The following RBMS3 variants were observed in gnomAD, a reference collection of about 807,000 sequenced individuals.
RBMS3 encodes RNA binding motif single stranded interacting protein 3.
A neutral mutation model predicts 66.8 loss-of-function variants in RBMS3; 27 were observed. The ratio of observed to expected loss-of-function variants is 0.40; its 90% CI spans 0.30 to 0.56. RBMS3 has a LOEUF of 0.56. RBMS3 is among the 20% of genes least tolerant of loss of function. RBMS3 has a pLI of 0.40. For missense variants in RBMS3, 513 were observed against 549.5 expected (o/e 0.93, Z 0.66); for synonymous variants, 188 against 183.0 (o/e 1.03, Z -0.22).
chr3:29,301,381 A>G (rs976853275), intron 1 of RBMS3, among the ~76,000 whole-genome samples: 1 of 152,010 alleles, frequency 6.6e-6, no homozygotes, highest in Non-Finnish European at 1.5e-5. Context: ...TAAGGAAATA[A>G]TTCGTAACTA....
Position 29,928,191 on chromosome 3 carries a change from T to TAC in RBMS3, c.940-7894_940-7893insCA, listed in dbSNP as rs1296367265. On this transcript the variant is annotated intron_variant, in intron 10 of 14. Coordinates refer to ENST00000383767, the MANE Select transcript of RBMS3 (RefSeq NM_001003793.3). ...CTCCTCTTCAAATTTTATATATATA[T>TAC]ATATATATATATATATATATACACA... 7.0e-3 allele frequency among the ~76,000 whole-genome samples: 652 copies of TAC among 93,184 alleles called. 4 individuals are homozygous for TAC. Among genetic ancestry groups the TAC allele is most frequent in the Non-Finnish European group, 8.7e-3 (369 of 42,492 alleles). 61.1% of individuals were successfully genotyped at this position (93,184 alleles called of 152,430 possible).
chr3:29,638,838 G>T (rs2149191312), intron 4 of RBMS3, among the ~76,000 whole-genome samples: 2 of 151,772 alleles, frequency 1.3e-5, no homozygotes, highest in Middle Eastern at 3.4e-3. Flanking sequence ...TACTGTATTA[G>T]GTATATTTTT....
At chr3:29,424,324 C>T (rs969392932) in intron 1 of RBMS3, among the ~76,000 whole-genome samples, 3 of 152,140 alleles carry the variant, frequency 2.0e-5, no homozygotes, top group African/African-American at 7.2e-5. Flanking sequence ...ACTAACATCC[C>T]CCTCTTTTGC....
At chr3:29,416,267 C>A (rs1042201385) in intron 1 of RBMS3, among the ~76,000 whole-genome samples, 2 of 152,030 alleles carry the variant, frequency 1.3e-5, no homozygotes, top group Non-Finnish European at 2.9e-5. Flanking sequence ...GCAGGTTTGC[C>A]TAGAAGCTGA....
At chr3:29,962,445 C>T (rs35874248) in intron 12 of RBMS3, among the ~76,000 whole-genome samples, 14,055 of 151,652 alleles carry the variant, frequency 0.093, 1,115 homozygotes, top group East Asian at 0.21. Flanking sequence ...ATAAACATAA[C>T]GGCACTGAGG....
At chr3:29,983,671 T>C (rs1178553447) in intron 12 of RBMS3, among the ~76,000 whole-genome samples, 1 of 152,218 alleles carries the variant, frequency 6.6e-6, no homozygotes, top group Admixed American at 6.5e-5. Context: ...CCTTTGCTTA[T>C]GAAGCTTAGT....
chr3:29,514,581 A>T (rs1357095909), intron 3 of RBMS3, among the ~76,000 whole-genome samples: 1 of 149,928 alleles, frequency 6.7e-6, no homozygotes, highest in Admixed American at 6.7e-5. Context: ...GATAAGAAAA[A>T]GGAAGCGATT....
At chr3:29,504,043 C>G (rs1303429754) in intron 3 of RBMS3, among the ~76,000 whole-genome samples, 1 of 152,092 alleles carries the variant, frequency 6.6e-6, no homozygotes, top group African/African-American at 2.4e-5. Flanking sequence ...GAATTCCCAG[C>G]CCACATTAGC....
intron 13 of RBMS3, among the ~76,000 whole-genome samples, chr3:29,988,736 C>G (rs1204253203): frequency 6.6e-6 from 1 of 151,120 alleles, no homozygotes; most frequent in Non-Finnish European, 1.5e-5. Context: ...CAGCCTGGGT[C>G]AAACAGTCAA....
chr3:30,008,969 A>G lies in RBMS3; in HGVS notation c.*5107A>G, dbSNP rs1699881598. 2.0e-5 allele frequency: 3 copies of G among 152,156 alleles called. No homozygotes were observed. The highest frequency in any genetic ancestry group is 7.2e-5 in the African/African-American group (3 of 41,452). 9.4% of individuals were successfully genotyped at this position (152,156 alleles called of 1,614,324 possible). A position where few individuals can be genotyped will look rare whatever the true frequency, so the allele number is the denominator to read the frequency against. On this transcript the variant is annotated 3_prime_UTR_variant, in exon 15 of 15. Coordinates refer to ENST00000383767, the MANE Select transcript of RBMS3 (RefSeq NM_001003793.3). The stretch of plus-strand genomic sequence containing the variant: ...TTTATCATTGGCTTTATACTCTAAC[A>G]TATAGATACTCTCTATAGCAAAAAA...
intron 1 of RBMS3, among the ~76,000 whole-genome samples, chr3:29,282,186 C>A (rs544463436): frequency 2.0e-5 from 3 of 151,806 alleles, no homozygotes; most frequent in African/African-American, 7.3e-5. Flanking sequence ...GGACGTGCAA[C>A]GGTGGGGGTA....
intron 2 of RBMS3, among the ~76,000 whole-genome samples, chr3:29,482,701 C>CTTTTTTTTTTTTTTTTT (rs755520785): frequency 4.3e-4 from 33 of 77,506 alleles, no homozygotes; most frequent in Admixed American, 7.8e-4. Context: ...TTCTTTCTTT[C>CTTTTTTTTTTTTTTTTT]TTTTTTTTTT....
intron 1 of RBMS3, among the ~76,000 whole-genome samples, chr3:29,306,386 CT>C (rs1418137003): frequency 5.3e-5 from 8 of 151,964 alleles, no homozygotes; most frequent in Non-Finnish European, 1.0e-4. Context: ...CTCAGACCTT[CT>C]CTTGCTCCTT....
chr3:29,496,675 C>T (rs1443912831), intron 3 of RBMS3, among the ~76,000 whole-genome samples: 1 of 152,134 alleles, frequency 6.6e-6, no homozygotes, highest in Non-Finnish European at 1.5e-5. Context: ...GCTTTCCAAA[C>T]TTATTATTTC....
chr3:29,825,963 T>A (rs934066857), intron 6 of RBMS3, among the ~76,000 whole-genome samples: 5 of 152,326 alleles, frequency 3.3e-5, no homozygotes, highest in African/African-American at 1.2e-4. Context: ...CCAGTGTTTC[T>A]TTTTATGTTA....
chr3:29,644,430 G>T (rs2049841502), intron 4 of RBMS3, among the ~76,000 whole-genome samples: 1 of 152,164 alleles, frequency 6.6e-6, no homozygotes, highest in African/African-American at 2.4e-5. Context: ...GCACAGACAA[G>T]AACTGTTGCT....
chr3:29,294,629 G>T (rs552488510), intron 1 of RBMS3, among the ~76,000 whole-genome samples: 4 of 151,794 alleles, frequency 2.6e-5, no homozygotes, highest in African/African-American at 9.6e-5. Flanking sequence ...GAGAAGACTG[G>T]AGAGGCAATT....
At chr3:29,803,483 G>A (rs893877531) in intron 6 of RBMS3, among the ~76,000 whole-genome samples, 3 of 152,048 alleles carry the variant, frequency 2.0e-5, no homozygotes, top group African/African-American at 7.2e-5. Context: ...GGACAAAGGG[G>A]TGTTAAAGAC....
At chr3:29,429,408 A>T (rs2041094410) in intron 1 of RBMS3, among the ~76,000 whole-genome samples, 1 of 152,190 alleles carries the variant, frequency 6.6e-6, no homozygotes, top group South Asian at 2.1e-4. Context: ...TGTGTGGCTG[A>T]AGGGCTTTAG....
Sources: gnomAD v4.1 joint callset for allele counts (sites outside exome capture counted in the v4.1 genomes callset) on GRCh38, gnomAD v4.1.1 for gene constraint, MANE v1.5 for transcripts, NCBI Gene and HGNC (gene_info 2026-07-23, HGNC 2026-07-21) for gene names.